The following DLG2 variants were observed in gnomAD, a reference collection of about 807,000 sequenced individuals.
The protein encoded by DLG2 is discs large MAGUK scaffold protein 2, also known as disks large homolog 2.
In DLG2, 45 loss-of-function variants were observed where a neutral mutation model predicts 132.5. That is an observed-to-expected ratio of 0.34 (90% confidence interval 0.27 to 0.44). DLG2 has a LOEUF of 0.44. Among genes scored for constraint, DLG2 ranks in the 20% least tolerant of loss-of-function variants. The pLI is 1.00. For missense variants in DLG2, 1,045 were observed against 1,196.9 expected (o/e 0.87, Z 1.87); for synonymous variants, 424 against 419.6 (o/e 1.01, Z -0.13).
At chr11:83,650,885 G>T (rs1212335704) in intron 18 of DLG2, among the ~76,000 whole-genome samples, 1 of 152,170 alleles carries the variant, frequency 6.6e-6, no homozygotes, top group Non-Finnish European at 1.5e-5. Flanking sequence ...GAAATGGCCT[G>T]TCTGCAACAT....
chr11:83,743,449 T>TTTTTTTTTTTTTTTTTTTTTTTTTTTTA (rs1555372680), intron 18 of DLG2, among the ~76,000 whole-genome samples: 9 of 124,108 alleles, frequency 7.3e-5, no homozygotes, highest in African/African-American at 2.9e-4. Flanking sequence ...TTTTTTTTTT[T>TTTTTTTTTTTTTTTTTTTTTTTTTTTTA]ATGACAGGGT....
intron 6 of DLG2, among the ~76,000 whole-genome samples, chr11:84,772,504 C>T (rs1221486321): frequency 2.0e-5 from 3 of 152,268 alleles, no homozygotes; most frequent in South Asian, 2.1e-4. Flanking sequence ...TTCTTCTCAT[C>T]TGCACATGGA....
At chr11:83,800,181 G>C (rs1001046726) in intron 17 of DLG2, among the ~76,000 whole-genome samples, 1 of 152,150 alleles carries the variant, frequency 6.6e-6, no homozygotes, top group African/African-American at 2.4e-5. Flanking sequence ...ACAATCCTAG[G>C]AGTCAGGAGT....
intron 7 of DLG2, among the ~76,000 whole-genome samples, chr11:84,375,259 T>G (rs546662937): frequency 6.6e-6 from 1 of 152,322 alleles, no homozygotes; most frequent in East Asian, 1.9e-4. Context: ...CTTTGTTTAA[T>G]TAGTGCTTGG....
intron 3 of DLG2, among the ~76,000 whole-genome samples, chr11:85,285,845 T>C (rs2078518661): frequency 6.6e-6 from 1 of 152,014 alleles, no homozygotes; most frequent in Middle Eastern, 3.4e-3. Context: ...TTTGACTAGA[T>C]AATGCAGAGG....
rs565343000 is a variant in DLG2 at position 84,308,500 on chromosome 11, C to T, written c.520-57209G>A. Among the ~76,000 whole-genome samples the T allele has an allele frequency of 8.5e-5, 13 of 152,352 alleles. 1 individual carries two copies. The highest frequency in any genetic ancestry group is 2.4e-4 in the African/African-American group (10 of 41,592). On this transcript the variant is annotated intron_variant, in intron 7 of 27. Coordinates refer to ENST00000376104, the MANE Select transcript of DLG2 (RefSeq NM_001142699.3). Reference sequence around the variant, plus strand: ...CCAGCTGGCTTCACCCAGTGGATCCCGCACGGGGGCCACAGGTGGAGCTGC... The same window carrying T: ...CCAGCTGGCTTCACCCAGTGGATCCTGCACGGGGGCCACAGGTGGAGCTGC...
chr11:83,502,863 CT>C (rs2139220732), intron 21 of DLG2, among the ~76,000 whole-genome samples: 1 of 152,252 alleles, frequency 6.6e-6, no homozygotes, highest in African/African-American at 2.4e-5. Flanking sequence ...CCATTGCTGT[CT>C]CCCCAGTACT....
intron 4 of DLG2, among the ~76,000 whole-genome samples, chr11:85,276,014 G>T (rs2152744674): frequency 6.6e-6 from 1 of 152,286 alleles, no homozygotes; most frequent in East Asian, 1.9e-4. Context: ...CATGGACGGA[G>T]TCTAAGGCAG....
At chr11:84,371,026 C>T (rs1031854345) in intron 7 of DLG2, among the ~76,000 whole-genome samples, 8 of 152,006 alleles carry the variant, frequency 5.3e-5, no homozygotes, top group African/African-American at 1.9e-4. Context: ...AATCCAGTTG[C>T]CTACTTATGT....
At chr11:83,767,774 T>C (rs2094206213) in intron 18 of DLG2, among the ~76,000 whole-genome samples, 1 of 152,214 alleles carries the variant, frequency 6.6e-6, no homozygotes, top group Admixed American at 6.5e-5. Context: ...ATTATTTTAG[T>C]AATTAATACC....
At chr11:85,012,141 A>AAC (rs1185767344) in intron 6 of DLG2, among the ~76,000 whole-genome samples, 95 of 25,028 alleles carry the variant, frequency 3.8e-3, no homozygotes, top group South Asian at 8.7e-3. Flanking sequence ...GACCAACATA[A>AAC]TCTATGTGAA....
intron 9 of DLG2, among the ~76,000 whole-genome samples, chr11:84,152,389 CTCTTT>C (rs2095320436): frequency 1.4e-5 from 2 of 148,042 alleles, no homozygotes; most frequent in Admixed American, 6.7e-5. Flanking sequence ...TTTTTGTTTT[CTCTTT>C]TTTTTTTTTT....
At chr11:83,628,658 C>T (rs901853771) in intron 19 of DLG2, among the ~76,000 whole-genome samples, 2 of 152,156 alleles carry the variant, frequency 1.3e-5, no homozygotes, top group Non-Finnish European at 2.9e-5. Flanking sequence ...TCTATTTCTA[C>T]CTCCTCATCT....
At chr11:85,522,145 C>T (rs2074364367) in intron 3 of DLG2, among the ~76,000 whole-genome samples, 1 of 152,124 alleles carries the variant, frequency 6.6e-6, no homozygotes, top group South Asian at 2.1e-4. Context: ...TTGCTGTATA[C>T]AGTCTCAGGA....
Position 85,068,451 on chromosome 11 carries a change from A to T in DLG2, c.357+43210T>A, listed in dbSNP as rs190815204. On this transcript the variant is annotated intron_variant, in intron 6 of 27. Coordinates refer to ENST00000376104, the MANE Select transcript of DLG2 (RefSeq NM_001142699.3). Reference sequence around the variant, plus strand: ...TTAAGCTGATAGGCAACTTCAGCAAAGTCTCAGGATACAAAATCAATGTGC... The same window carrying T: ...TTAAGCTGATAGGCAACTTCAGCAATGTCTCAGGATACAAAATCAATGTGC... Among the ~76,000 whole-genome samples the T allele has an allele frequency of 1.7e-3, 252 of 152,282 alleles. 2 individuals are homozygous for T. Among genetic ancestry groups the T allele is most frequent in the Non-Finnish European group, 5.6e-4 (38 of 68,026 alleles).
chr11:84,495,126 C>T (rs1183042857), intron 7 of DLG2, among the ~76,000 whole-genome samples: 1 of 152,072 alleles, frequency 6.6e-6, no homozygotes, highest in Non-Finnish European at 1.5e-5. Flanking sequence ...TTTGAATTAC[C>T]ATCGTACTTA....
At chr11:84,882,021 A>G (rs2154054962) in intron 6 of DLG2, among the ~76,000 whole-genome samples, 1 of 152,252 alleles carries the variant, frequency 6.6e-6, no homozygotes, top group East Asian at 1.9e-4. Context: ...TATTGTTCTC[A>G]GATTTGAGTT....
intron 3 of DLG2, among the ~76,000 whole-genome samples, chr11:85,357,884 A>G (rs962471085): frequency 6.6e-6 from 1 of 151,384 alleles, no homozygotes; most frequent in Non-Finnish European, 1.5e-5. Flanking sequence ...AACAGGAAGG[A>G]TAATCTATCA....
intron 7 of DLG2, among the ~76,000 whole-genome samples, chr11:84,431,812 G>A (rs961650333): frequency 3.3e-5 from 5 of 151,940 alleles, no homozygotes; most frequent in African/African-American, 1.2e-4. Flanking sequence ...TTAATTCTAA[G>A]AATAAATATT....
Sources: allele counts gnomAD v4.1 joint callset (sites outside exome capture counted in the v4.1 genomes callset), GRCh38; gene constraint gnomAD v4.1.1; transcripts MANE v1.5; gene names NCBI Gene and HGNC (gene_info 2026-07-23, HGNC 2026-07-21).